The following SYCP1 variants were observed in gnomAD, a reference collection of about 807,000 sequenced individuals.
SYCP1 encodes the protein cancer/testis antigen 8.
A neutral mutation model predicts 153.1 loss-of-function variants in SYCP1; 64 were observed. The ratio of observed to expected loss-of-function variants is 0.42; its 90% CI spans 0.34 to 0.51. SYCP1 has a LOEUF of 0.51. SYCP1 is among the 20% of genes least tolerant of loss of function. The pLI, the probability that SYCP1 is intolerant of heterozygous loss-of-function variation, is 0.06. For missense variants in SYCP1, 997 were observed against 1,049.0 expected, an observed-to-expected ratio of 0.95 and a Z score of 0.68; for synonymous variants, 384 against 341.8, an observed-to-expected ratio of 1.12 and a Z score of -1.36.
intron 27 of SYCP1, among the ~76,000 whole-genome samples, chr1:114,951,104 G>A (rs995290446): frequency 6.6e-6 from 1 of 152,130 alleles, no homozygotes; most frequent in Non-Finnish European, 1.5e-5. Context: ...GATTACAGGC[G>A]TGAGCCACCA....
intron 16 of SYCP1, among the ~76,000 whole-genome samples, chr1:114,901,546 C>T (rs1218574261): frequency 1.3e-5 from 2 of 152,116 alleles, no homozygotes; most frequent in Non-Finnish European, 2.9e-5. Flanking sequence ...AGGACTCATT[C>T]GCTAAGCTAG....
At position 114,947,300 on chromosome 1, in the gene SYCP1, G is replaced by A; in HGVS notation, c.2302G>A (p.Glu768Lys). The A allele has an allele frequency of 6.2e-7, 1 of 1,612,874 alleles. No individual in the cohort carries two copies. Residue 768 changes from glutamate (E) to lysine (K), a missense_variant, in exon 27 of 32, where the codon GAA (glutamate) becomes AAA (lysine). Glu to Lys is a moderately conservative substitution (Grantham distance 56). Around this residue, in one of 2 missense-constraint regions of SYCP1, gnomAD observed 712 missense variants for 682.9 expected, o/e 1.04. Coordinates refer to ENST00000369522, the MANE Select transcript of SYCP1 (RefSeq NM_003176.4). ...AELLSVKKQL[E>K]IEREEKEKLK... Reference sequence around the variant, plus strand: ...ACTTTTGTCTGTTAAGAAGCAACTTGAAATAGAAAGAGAAGAGAAGGTAGG... The same window carrying A: ...ACTTTTGTCTGTTAAGAAGCAACTTAAAATAGAAAGAGAAGAGAAGGTAGG...
At chr1:114,908,336 A>G (rs1263366538) in intron 16 of SYCP1, among the ~76,000 whole-genome samples, 1 of 152,162 alleles carries the variant, frequency 6.6e-6, no homozygotes, top group Non-Finnish European at 1.5e-5. Flanking sequence ...TTTCAGCAGT[A>G]TGTAAGTGAA....
chr1:114,924,074 A>G (rs1669093765), intron 21 of SYCP1, among the ~76,000 whole-genome samples: 1 of 152,172 alleles, frequency 6.6e-6, no homozygotes, highest in South Asian at 2.1e-4. Flanking sequence ...ACTATGTGCC[A>G]GGCACTGTTC....
intron 5 of SYCP1, among the ~76,000 whole-genome samples, 181 bp downstream of exon 5, chr1:114,857,678 G>A (rs1664101612): frequency 6.6e-6 from 1 of 151,948 alleles, no homozygotes; most frequent in Non-Finnish European, 1.5e-5. Flanking sequence ...CATTTATGTA[G>A]AGGCAATTTA....
chr1:114,869,177 A>G (rs1410114671), intron 8 of SYCP1, among the ~76,000 whole-genome samples: 1 of 152,194 alleles, frequency 6.6e-6, no homozygotes, highest in Non-Finnish European at 1.5e-5. Flanking sequence ...ATTCAATGCT[A>G]TAAATTTCCC....
intron 27 of SYCP1, among the ~76,000 whole-genome samples, chr1:114,971,800 T>C (rs1186505282): frequency 1.3e-5 from 2 of 152,194 alleles, no homozygotes; most frequent in African/African-American, 4.8e-5. Context: ...TTTCAATGTG[T>C]TGTTGAATTT....
At chr1:114,878,877 G>A (rs1373082010) in intron 12 of SYCP1, among the ~76,000 whole-genome samples, 1 of 152,184 alleles carries the variant, frequency 6.6e-6, no homozygotes, top group Non-Finnish European at 1.5e-5. Flanking sequence ...TCATATGGGA[G>A]CATGATGGAG....
intron 9 of SYCP1, among the ~76,000 whole-genome samples, chr1:114,875,110 C>CAT (rs1237403447): frequency 6.6e-6 from 1 of 151,610 alleles, no homozygotes; most frequent in African/African-American, 2.4e-5. Context: ...TTGATTATTC[C>CAT]ATATATATCC....
chr1:114,961,482 A>G (rs191151908), intron 27 of SYCP1, among the ~76,000 whole-genome samples: 5 of 152,302 alleles, frequency 3.3e-5, no homozygotes, highest in Admixed American at 3.3e-4. Flanking sequence ...ATTTAATGCT[A>G]TGAACTTTCC....
chr1:114,952,195 T>G (rs1164496335), intron 27 of SYCP1, among the ~76,000 whole-genome samples: 1 of 152,206 alleles, frequency 6.6e-6, no homozygotes, highest in Non-Finnish European at 1.5e-5. Flanking sequence ...AATTGCTAAA[T>G]TGTATGGCAG....
intron 2 of SYCP1, among the ~76,000 whole-genome samples, 181 bp from the exon 3 acceptor site, chr1:114,856,387 AATTAG>A (rs1663940076): frequency 6.6e-6 from 1 of 152,214 alleles, no homozygotes; most frequent in Admixed American, 6.5e-5. Flanking sequence ...GGAAATATCT[AATTAG>A]AATTTTTTCT....
chr1:114,891,855 G>A (rs1007698921), intron 15 of SYCP1, among the ~76,000 whole-genome samples: 1 of 152,136 alleles, frequency 6.6e-6, no homozygotes, highest in African/African-American at 2.4e-5. Context: ...CATGGTATTT[G>A]TTCTCATGAG....
intron 8 of SYCP1, among the ~76,000 whole-genome samples, chr1:114,868,232 G>C (rs1365137985): frequency 7.3e-5 from 11 of 151,338 alleles, no homozygotes; most frequent in Admixed American, 4.0e-4. Flanking sequence ...TTGAACTCCT[G>C]GGCTTAAGTG....
intron 27 of SYCP1, among the ~76,000 whole-genome samples, chr1:114,972,741 A>T (rs1360127172): frequency 6.6e-6 from 1 of 151,920 alleles, no homozygotes; most frequent in Non-Finnish European, 1.5e-5. Context: ...TTTCTGGTTT[A>T]TTTCATTGTT....
intron 27 of SYCP1, among the ~76,000 whole-genome samples, chr1:114,949,018 G>T (rs1225560804): frequency 6.6e-6 from 1 of 151,984 alleles, no homozygotes. Flanking sequence ...CTCAGGGAAG[G>T]TTTAATAGGC....
At position 114,932,787 on chromosome 1, in the gene SYCP1, A is replaced by G. The variant is rs372740465; in HGVS notation, c.1926+6224A>G. On this transcript the variant is annotated intron_variant, in intron 23 of 31. Transcript: ENST00000369522. ...CCTGGCTGGGAGGGTCCCACGCCCA[A>G]GGAGCCTCGCTCACTGCTAGTGCAG... Among the ~76,000 whole-genome samples, 12 of 152,332 alleles carry G rather than the reference A, an allele frequency of 7.9e-5. No individual in the cohort carries two copies. The East Asian group carries it at 1.7e-3, about 22-fold the overall frequency.
intron 27 of SYCP1, among the ~76,000 whole-genome samples, chr1:114,964,768 C>T (rs989499090): frequency 1.3e-5 from 2 of 152,096 alleles, no homozygotes; most frequent in African/African-American, 4.8e-5. Context: ...GTTACTGAGC[C>T]TTGTAGTATA....
At position 114,923,436 on chromosome 1, in the gene SYCP1, C is replaced by A; in HGVS notation, c.1719-13C>A. The stretch of plus-strand genomic sequence containing the variant: ...AATTTTTAGTATAATGTCACTCTTC[C>A]ATTTTCTTTTAGAAATGAACTAGAA... On this transcript the variant is annotated splice_polypyrimidine_tract_variant and intron_variant, in intron 20 of 31. Transcript: ENST00000369522. 2 of 1,559,026 alleles carry A rather than the reference C, an allele frequency of 1.3e-6. No homozygotes were observed. The highest frequency in any genetic ancestry group is 2.8e-5 in the African/African-American group (2 of 72,690).
Sources: allele counts gnomAD v4.1 joint callset (sites outside exome capture counted in the v4.1 genomes callset), GRCh38; gene constraint gnomAD v4.1.1; regional missense constraint gnomAD v4.1.1; transcripts MANE v1.5; gene names NCBI Gene and HGNC (gene_info 2026-07-23, HGNC 2026-07-21).